MOB3B: variants seen among roughly 807,000 people sequenced by gnomAD.
MOB3B encodes the protein MOB kinase activator 3B.
Under a neutral mutation model 18.7 loss-of-function variants are expected in MOB3B, and 7 were observed. The observed-to-expected ratio is 0.37, with a 90% CI of 0.21 to 0.70. The LOEUF (loss-of-function observed/expected upper bound fraction) is 0.70. MOB3B is among the 30% of genes least tolerant of loss of function. The pLI, the probability that MOB3B is intolerant of heterozygous loss-of-function variation, is 0.52. For synonymous variants in MOB3B, 111 were observed against 99.9 expected (o/e 1.11, Z -0.66); for missense variants, 253 against 281.3 (o/e 0.90, Z 0.72).
chr9:27,389,580 C>G (rs1267175017), intron 2 of MOB3B, among the ~76,000 whole-genome samples: 1 of 152,176 alleles, frequency 6.6e-6, no homozygotes, highest in Non-Finnish European at 1.5e-5. Context: ...TGGTTTTCTT[C>G]ACAGCACTCC....
chr9:27,339,791 G>A (rs2131337241), intron 3 of MOB3B, among the ~76,000 whole-genome samples: 1 of 152,322 alleles, frequency 6.6e-6, no homozygotes, highest in Admixed American at 6.5e-5. Context: ...TTTCAGTTGA[G>A]TCTCTGAATC....
At chr9:27,459,528 C>T (rs1222150546) in intron 1 of MOB3B, among the ~76,000 whole-genome samples, 1 of 152,022 alleles carries the variant, frequency 6.6e-6, no homozygotes, top group Non-Finnish European at 1.5e-5. Flanking sequence ...GCCTGCCTGG[C>T]TGAGTAAAGG....
At chr9:27,388,276 T>C (rs1229501563) in intron 2 of MOB3B, among the ~76,000 whole-genome samples, 2 of 152,172 alleles carry the variant, frequency 1.3e-5, no homozygotes, top group Non-Finnish European at 2.9e-5. Context: ...TGTAGGAGGC[T>C]ACTCTGGTGA....
chr9:27,376,891 A>T (rs1312498476), intron 2 of MOB3B, among the ~76,000 whole-genome samples: 1 of 152,246 alleles, frequency 6.6e-6, no homozygotes, highest in East Asian at 1.9e-4. Context: ...CAGGCCTAGA[A>T]TATTCCTGGC....
At chr9:27,480,931 G>C (rs957002058) in intron 1 of MOB3B, among the ~76,000 whole-genome samples, 4 of 152,028 alleles carry the variant, frequency 2.6e-5, no homozygotes, top group Admixed American at 6.6e-5. Flanking sequence ...TAAAAGAAAC[G>C]ATGCCTTGTG....
At chr9:27,336,663 C>G (rs1240473563) in intron 3 of MOB3B, among the ~76,000 whole-genome samples, 1 of 152,068 alleles carries the variant, frequency 6.6e-6, no homozygotes, top group African/African-American at 2.4e-5. Context: ...ATGTTGTGTA[C>G]TTCTCACTAA....
chr9:27,336,696 T>C (rs1014128515), intron 3 of MOB3B, among the ~76,000 whole-genome samples: 3 of 152,184 alleles, frequency 2.0e-5, no homozygotes, highest in African/African-American at 7.2e-5. Flanking sequence ...CGTTGGATGT[T>C]TAATGGTGGC....
intron 1 of MOB3B, among the ~76,000 whole-genome samples, chr9:27,490,289 A>T (rs1819796531): frequency 6.6e-6 from 1 of 152,184 alleles, no homozygotes; most frequent in Admixed American, 6.5e-5. Context: ...GATGAATGAG[A>T]CACAGTTCTT....
intron 1 of MOB3B, among the ~76,000 whole-genome samples, chr9:27,492,682 A>C (rs1819836185): frequency 6.6e-6 from 1 of 152,230 alleles, no homozygotes; most frequent in Non-Finnish European, 1.5e-5. Flanking sequence ...GAAGGTAATT[A>C]ACTCCAGTTT....
chr9:27,525,264 A>C (rs1361728579), intron 1 of MOB3B, among the ~76,000 whole-genome samples: 2 of 152,148 alleles, frequency 1.3e-5, no homozygotes, highest in Non-Finnish European at 2.9e-5. Flanking sequence ...TGCTATATAT[A>C]CCACCTGTGG....
At chr9:27,441,251 T>G (rs1039550209) in intron 2 of MOB3B, among the ~76,000 whole-genome samples, 1 of 146,568 alleles carries the variant, frequency 6.8e-6, no homozygotes, top group African/African-American at 2.6e-5. Flanking sequence ...TTAGCATAAA[T>G]TTCTTTTTAC....
chr9:27,528,763 G>A (rs1820480668), intron 1 of MOB3B, among the ~76,000 whole-genome samples: 1 of 150,436 alleles, frequency 6.6e-6, no homozygotes, highest in African/African-American at 2.4e-5. Flanking sequence ...AGGGGAGAGG[G>A]TCAGGAAAGA....
intron 2 of MOB3B, among the ~76,000 whole-genome samples, chr9:27,418,120 A>G (rs532430978): frequency 6.9e-6 from 1 of 144,100 alleles, no homozygotes; most frequent in South Asian, 2.2e-4. Flanking sequence ...AAAGTAATAC[A>G]ACCCTCTTAG....
intron 2 of MOB3B, among the ~76,000 whole-genome samples, chr9:27,452,505 G>A (rs1369412932): frequency 1.3e-5 from 2 of 152,140 alleles, no homozygotes; most frequent in African/African-American, 4.8e-5. Flanking sequence ...ATAAACAGAA[G>A]ATGCTTATTA....
At chr9:27,365,382 T>TC (rs1246974520) in intron 2 of MOB3B, among the ~76,000 whole-genome samples, 11 of 150,456 alleles carry the variant, frequency 7.3e-5, no homozygotes, top group Admixed American at 4.6e-4. Context: ...TTTTTTTTTT[T>TC]TCAGGTAGTG....
Position 27,326,183 on chromosome 9 carries a change from G to C in MOB3B, c.*4404C>G, listed in dbSNP as rs1041128328. ...AAGGCATGAAATAAGTTCTTTTCAT[G>C]TTCACTGCTGGTCACAGCCATAACA... On this transcript the variant is annotated 3_prime_UTR_variant, in exon 4 of 4. Coordinates refer to ENST00000262244, the MANE Select transcript of MOB3B (RefSeq NM_024761.5). 1.5e-5 allele frequency: 5 copies of C among 329,016 alleles called. No individual in the cohort carries two copies. The highest frequency in any genetic ancestry group is 8.5e-5 in the African/African-American group (4 of 47,234). 20.4% of individuals were successfully genotyped at this position (329,016 alleles called of 1,614,324 possible).
chr9:27,390,100 C>T (rs139533412), intron 2 of MOB3B, among the ~76,000 whole-genome samples: 60 of 152,096 alleles, frequency 3.9e-4, no homozygotes, highest in Non-Finnish European at 6.6e-4. Context: ...ATATTTGAGA[C>T]GGAGTCTCGC....
At chr9:27,386,702 T>C (rs1023371109) in intron 2 of MOB3B, among the ~76,000 whole-genome samples, 2 of 152,262 alleles carry the variant, frequency 1.3e-5, no homozygotes, top group Admixed American at 1.3e-4. Flanking sequence ...GTTCCACTGA[T>C]ATTTTATGAG....
In MOB3B at chr9:27,416,543, A is replaced by ATTTTT. The variant is rs1563863338; in HGVS notation, c.418+38589_418+38590insAAAAA. On this transcript the variant is annotated intron_variant, in intron 2 of 3. Transcript: ENST00000262244. Reference sequence around the variant, plus strand: ...GGAACCCCTGGAGTAATTTCTTTTTAATTTTTTTTTTTTTTTTTTTTTTTT... The same window carrying ATTTTT: ...GGAACCCCTGGAGTAATTTCTTTTTATTTTTATTTTTTTTTTTTTTTTTTTTTTTT... Among the ~76,000 whole-genome samples, 27 of 74,328 alleles carry ATTTTT rather than the reference A, an allele frequency of 3.6e-4. 1 individual carries two copies. The highest frequency in any genetic ancestry group is 7.3e-4 in the East Asian group (1 of 1,372). 48.8% of individuals were successfully genotyped at this position (74,328 alleles called of 152,430 possible). A position where few individuals can be genotyped will look rare whatever the true frequency, so the allele number is the denominator to read the frequency against.
Sources: allele counts gnomAD v4.1 joint callset (sites outside exome capture counted in the v4.1 genomes callset), GRCh38; gene constraint gnomAD v4.1.1; transcripts MANE v1.5; gene names NCBI Gene and HGNC (gene_info 2026-07-23, HGNC 2026-07-21).